Variants in CHAF1B observed in about 807,000 individuals in gnomAD.
CHAF1B encodes the protein CAF-1 subunit B.
CHAF1B carries 10 observed loss-of-function variants against 60.7 expected under a neutral mutation model. That is an observed-to-expected ratio of 0.16 (90% CI 0.10 to 0.28). The LOEUF (loss-of-function observed/expected upper bound fraction) is 0.28. Among genes scored for constraint, CHAF1B ranks in the 10% least tolerant of loss-of-function variants. The probability of loss-of-function intolerance (pLI) is 1.00; values close to 1 mark genes in which losing one functional copy is unlikely to be tolerated. For synonymous variants in CHAF1B, 261 were observed against 266.1 expected (o/e 0.98, Z 0.19); for missense variants, 558 against 708.4 (o/e 0.79, Z 2.41).
rs758358794 is a variant in CHAF1B at position 36,386,207 on chromosome 21, G to A, written c.71G>A (p.Gly24Glu). Residue 24 changes from glycine (G) to glutamate (E), a missense_variant, in exon 2 of 14, where the codon GGG becomes GAG. Gly to Glu is a moderately conservative substitution (Grantham distance 98, BLOSUM62 -2). This residue lies in a region of CHAF1B where 325 missense variants were observed against 493.5 expected (regional missense o/e 0.66). Coordinates refer to ENST00000314103, the MANE Select transcript of CHAF1B (RefSeq NM_005441.3). ...GTGTACAGCCTGGACTTCCAGCATG[G>A]GACGGCTGGGAGGATCCACAGACTG... ...EPVYSLDFQH[G>E]TAGRIHRLAS... 1 of 1,614,160 alleles carries A rather than the reference G, an allele frequency of 6.2e-7. No individual in the cohort carries two copies. The highest frequency in any genetic ancestry group is 2.2e-5 in the East Asian group (1 of 44,878).
chr21:36,392,017 A>G (rs2086094152), intron 4 of CHAF1B, among the ~76,000 whole-genome samples: 1 of 143,940 alleles, frequency 6.9e-6, no homozygotes, highest in South Asian at 2.2e-4. Context: ...AGGGAAGGTC[A>G]GCAGATAAAC....
At chr21:36,393,330 A>C (rs940962695) in intron 4 of CHAF1B, among the ~76,000 whole-genome samples, 2 of 152,090 alleles carry the variant, frequency 1.3e-5, no homozygotes, top group Non-Finnish European at 2.9e-5. Context: ...TATTTATATG[A>C]AACAGTCCTA....
chr21:36,400,678 A>G (rs989942913), intron 7 of CHAF1B, among the ~76,000 whole-genome samples: 2 of 152,140 alleles, frequency 1.3e-5, no homozygotes, highest in Non-Finnish European at 2.9e-5. Context: ...GTCTGGCAGC[A>G]GGCAGTTTAC....
intron 3 of CHAF1B, among the ~76,000 whole-genome samples, chr21:36,389,600 GTC>G: frequency 7.4e-6 from 1 of 135,786 alleles, no homozygotes; most frequent in Admixed American, 7.7e-5. Context: ...GTGAGAGTCT[GTC>G]TCAAAAAAAA....
In CHAF1B at chr21:36,413,301, C is replaced by A. The variant is rs754502141; in HGVS notation, c.1479C>A (p.Ser493Arg). 1.3e-6 allele frequency: 2 copies of A among 1,576,768 alleles called. No individual in the cohort carries two copies. The highest frequency in any genetic ancestry group is 8.6e-7 in the Non-Finnish European group (1 of 1,163,780). Residue 493 changes from serine (S) to arginine (R), a missense_variant, in exon 12 of 14, where the codon AGC becomes AGA. Transcript: ENST00000314103. ...RVTLNTLQAW[S>R]KTTPRRINLT... ...CTCTGAACACACTGCAAGCCTGGAG[C>A]AAGACAACACCCCGGTAAGAACTTG...
At position 36,392,968 on chromosome 21, in the gene CHAF1B, G is replaced by A. The variant is rs1309582750; in HGVS notation, c.377+1300G>A. 2.6e-5 allele frequency among the ~76,000 whole-genome samples: 4 copies of A among 152,298 alleles called. No individual in the cohort carries two copies. In the East Asian group the frequency reaches 5.8e-4, roughly 22 times the overall value. ...ACTCTGTCTGCAATCCCGGCACCTC[G>A]GGAGGCTGAGGCTGGCAGATCACTC... is the stretch of plus-strand genomic sequence containing the variant. On this transcript the variant is annotated intron_variant, in intron 4 of 13. Coordinates refer to ENST00000314103, the MANE Select transcript of CHAF1B (RefSeq NM_005441.3).
intron 8 of CHAF1B, among the ~76,000 whole-genome samples, chr21:36,408,119 A>G (rs1166684800): frequency 6.6e-6 from 1 of 152,248 alleles, no homozygotes; most frequent in Non-Finnish European, 1.5e-5. Flanking sequence ...ATCAAGAAAT[A>G]GCATAAAACA....
chr21:36,406,691 A>G (rs898116190), intron 8 of CHAF1B, among the ~76,000 whole-genome samples: 3 of 152,210 alleles, frequency 2.0e-5, no homozygotes, highest in Non-Finnish European at 2.9e-5. Flanking sequence ...TAATTAGCAT[A>G]GCATGGTCTC....
chr21:36,389,597 T>G (rs1283977610), intron 3 of CHAF1B, among the ~76,000 whole-genome samples: 3 of 143,174 alleles, frequency 2.1e-5, no homozygotes, highest in Non-Finnish European at 4.6e-5. Flanking sequence ...AGAGTGAGAG[T>G]CTGTCTCAAA....
At chr21:36,394,955 T>G (rs904188061) in intron 5 of CHAF1B, among the ~76,000 whole-genome samples, 3 of 152,132 alleles carry the variant, frequency 2.0e-5, no homozygotes, top group Admixed American at 1.3e-4. Context: ...GGTCTCAAAC[T>G]CCTAACCTCA....
In CHAF1B at chr21:36,411,966, G is replaced by T. The variant is rs190238112; in HGVS notation, c.1061+362G>T. Among the ~76,000 whole-genome samples, 102 of 152,210 alleles carry T rather than the reference G, an allele frequency of 6.7e-4. No homozygotes were observed. The Middle Eastern group carries it at 0.024, about 36-fold the overall frequency. ...CTGGTATCAAACTCCTGGGCTCAAC[G>T]ATCCTCCTGCCCCAGCCTCCCAAAG... On this transcript the variant is annotated intron_variant, in intron 11 of 13. Transcript: ENST00000314103.
intron 11 of CHAF1B, 119 bp downstream of exon 11, chr21:36,411,723 A>C (rs1325783864): frequency 1.7e-6 from 2 of 1,199,494 alleles, no homozygotes; most frequent in African/African-American, 1.5e-5. Flanking sequence ...ATATTCACCA[A>C]TTTTGTTTCT....
At chr21:36,410,928 C>T (rs1249279805) in intron 10 of CHAF1B, among the ~76,000 whole-genome samples, 1 of 151,982 alleles carries the variant, frequency 6.6e-6, no homozygotes, top group Non-Finnish European at 1.5e-5. Context: ...CCTCTTGCTT[C>T]TTAAGCATAT....
chr21:36,394,296 C>G (rs546141329), intron 4 of CHAF1B, among the ~76,000 whole-genome samples: 1 of 151,972 alleles, frequency 6.6e-6, no homozygotes, highest in East Asian at 1.9e-4. Flanking sequence ...AGGATGGTCT[C>G]GATCTCCCGA....
At chr21:36,392,350 G>A (rs2086096503) in intron 4 of CHAF1B, among the ~76,000 whole-genome samples, 1 of 152,188 alleles carries the variant, frequency 6.6e-6, no homozygotes, top group Non-Finnish European at 1.5e-5. Context: ...GCAACAATCT[G>A]ATTTCTCTAT....
intron 8 of CHAF1B, among the ~76,000 whole-genome samples, chr21:36,403,148 C>G (rs2146369716): frequency 6.6e-6 from 1 of 152,114 alleles, no homozygotes. Context: ...AAATGATAGG[C>G]ATTTTCTCTT....
intron 3 of CHAF1B, among the ~76,000 whole-genome samples, chr21:36,389,387 T>C (rs939388584): frequency 3.3e-5 from 5 of 151,906 alleles, no homozygotes; most frequent in Non-Finnish European, 5.9e-5. Flanking sequence ...AGGTGGATCA[T>C]TTGGGGTCAG....
At chr21:36,404,089 A>G (rs1213341473) in intron 8 of CHAF1B, among the ~76,000 whole-genome samples, 1 of 151,556 alleles carries the variant, frequency 6.6e-6, no homozygotes, top group Non-Finnish European at 1.5e-5. Context: ...AAACCCAGTA[A>G]TAAATCCTTT....
rs566571560 is a variant in CHAF1B at position 36,402,996 on chromosome 21, C to T, written c.757+145C>T. ...CTGCCCATTGGAACCTCCAGGAGAG[C>T]TTCAAAAAACACATTGGTGCCTATG... On this transcript the variant is annotated intron_variant, in intron 8 of 13. Coordinates refer to ENST00000314103, the MANE Select transcript of CHAF1B (RefSeq NM_005441.3). The T allele has an allele frequency of 2.9e-5, 19 of 646,154 alleles. No homozygotes were observed. The East Asian group carries it at 4.7e-4, about 16-fold the overall frequency. 40.0% of individuals were successfully genotyped at this position (646,154 alleles called of 1,614,324 possible). A position where few individuals can be genotyped will look rare whatever the true frequency, so the allele number is the denominator to read the frequency against.
Sources: allele counts gnomAD v4.1 joint callset (sites outside exome capture counted in the v4.1 genomes callset), GRCh38; gene constraint gnomAD v4.1.1; regional missense constraint gnomAD v4.1.1; transcripts MANE v1.5; gene names NCBI Gene and HGNC (gene_info 2026-07-23, HGNC 2026-07-21).